SLC8A1: variants seen among roughly 807,000 people sequenced by gnomAD.
SLC8A1 encodes solute carrier family 8 member A1.
Under a neutral mutation model 68.3 loss-of-function variants are expected in SLC8A1, and 18 were observed. That is an observed-to-expected ratio of 0.26 (90% CI 0.18 to 0.39). SLC8A1 has a LOEUF of 0.39. SLC8A1 is among the 10% of genes least tolerant of loss of function. The pLI is 1.00. For synonymous variants in SLC8A1, 475 were observed against 415.5 expected (o/e 1.14, Z -1.74); for missense variants, 985 against 1,156.7 (o/e 0.85, Z 2.15).
exon 8 of SLC8A1, chr2:40,105,738 C>A (rs2034154713): frequency 6.8e-6 from 1 of 147,626 alleles, no homozygotes; most frequent in Admixed American, 6.9e-5. Flanking sequence ...GGCTGGTTCA[C>A]AGCTGAAAGA....
intron 2 of SLC8A1, among the ~76,000 whole-genome samples, chr2:40,388,218 C>A (rs1441592329): frequency 6.6e-6 from 1 of 152,080 alleles, no homozygotes; most frequent in Non-Finnish European, 1.5e-5. Context: ...TAATTAAATG[C>A]ATAAAAGTGC....
intron 2 of SLC8A1, among the ~76,000 whole-genome samples, chr2:40,297,555 T>C (rs763884350): frequency 6.6e-6 from 1 of 152,230 alleles, no homozygotes; most frequent in Admixed American, 6.5e-5. Context: ...CATCTTGAGA[T>C]AAAACATTGT....
At chr2:40,382,575 G>A (rs1682208857) in intron 2 of SLC8A1, among the ~76,000 whole-genome samples, 3 of 152,136 alleles carry the variant, frequency 2.0e-5, no homozygotes, top group South Asian at 4.2e-4. Context: ...ATTTTCTTTT[G>A]ACTGCCTGAT....
chr2:40,439,157 G>A (rs187621429), intron 1 of SLC8A1, among the ~76,000 whole-genome samples: 10 of 152,058 alleles, frequency 6.6e-5, no homozygotes, highest in Admixed American at 6.6e-4. Context: ...GGCCCCAAAA[G>A]GGAGATTAAA....
At chr2:40,333,903 C>T (rs2076701367) in intron 2 of SLC8A1, among the ~76,000 whole-genome samples, 1 of 152,004 alleles carries the variant, frequency 6.6e-6, no homozygotes, top group Non-Finnish European at 1.5e-5. Flanking sequence ...ACAAAATTAG[C>T]CGGACATGGT....
intron 6 of SLC8A1, among the ~76,000 whole-genome samples, chr2:40,141,610 T>G (rs368774605): frequency 4.6e-4 from 70 of 152,310 alleles, no homozygotes; most frequent in African/African-American, 1.6e-3. Context: ...GCTCTGCTGT[T>G]CATGCAGTAT....
chr2:40,199,124 T>C (rs2053650971), intron 2 of SLC8A1, among the ~76,000 whole-genome samples: 2 of 151,860 alleles, frequency 1.3e-5, no homozygotes, highest in South Asian at 4.1e-4. Flanking sequence ...CTGATCCCAT[T>C]TCAAAGTGAA....
intron 2 of SLC8A1, chr2:40,337,299 T>C (rs1666272266): frequency 2.8e-6 from 1 of 353,598 alleles, no homozygotes; most frequent in African/African-American, 2.0e-5. Flanking sequence ...AGTATGTTTA[T>C]GCATCATCAT....
intron 3 of SLC8A1, 55 bp downstream of exon 4, chr2:40,175,206 A>G: frequency 6.4e-7 from 1 of 1,561,380 alleles, no homozygotes; most frequent in Non-Finnish European, 8.8e-7. Context: ...CACCTGACGG[A>G]AATGGAAAAT....
At chr2:40,131,183 C>A (rs1244248249) in intron 7 of SLC8A1, among the ~76,000 whole-genome samples, 2 of 152,128 alleles carry the variant, frequency 1.3e-5, no homozygotes, top group African/African-American at 4.8e-5. Flanking sequence ...AAGCAATTTG[C>A]CTCTGGGGAT....
chr2:40,294,567 G>C (rs770980625), intron 2 of SLC8A1, among the ~76,000 whole-genome samples: 2 of 152,080 alleles, frequency 1.3e-5, no homozygotes, highest in African/African-American at 4.8e-5. Flanking sequence ...GAGAGGGAGA[G>C]AGAGAGGGAT....
At chr2:40,335,732 T>C (rs77864529) in intron 2 of SLC8A1, among the ~76,000 whole-genome samples, 4,198 of 152,338 alleles carry the variant, frequency 0.028, 75 homozygotes, top group Non-Finnish European at 0.033. Context: ...TGACAAGTGA[T>C]TGAAATAAGG....
chr2:40,197,425 T>G (rs1482212940), intron 2 of SLC8A1, among the ~76,000 whole-genome samples: 2 of 152,022 alleles, frequency 1.3e-5, no homozygotes, highest in Non-Finnish European at 2.9e-5. Context: ...AAAATGTTCC[T>G]TAGGAAGTAC....
intron 7 of SLC8A1, chr2:40,118,362 C>T (rs927455468): frequency 2.0e-5 from 3 of 152,128 alleles, no homozygotes; most frequent in Admixed American, 2.0e-4. Flanking sequence ...GAAGCAGGTT[C>T]TTACCAAATG....
intron 2 of SLC8A1, among the ~76,000 whole-genome samples, chr2:40,415,122 T>C (rs536786991): frequency 4.6e-5 from 7 of 152,266 alleles, no homozygotes; most frequent in Non-Finnish European, 8.8e-5. Context: ...TATAGTAGTA[T>C]AGTAGAAGTG....
chr2:40,295,993 C>T (rs1341319986), intron 2 of SLC8A1, among the ~76,000 whole-genome samples: 1 of 152,020 alleles, frequency 6.6e-6, no homozygotes, highest in Non-Finnish European at 1.5e-5. Flanking sequence ...TTTCTAGCGC[C>T]CAGGCACCAC....
chr2:40,354,280 A>G (rs1672022360), intron 2 of SLC8A1, among the ~76,000 whole-genome samples: 1 of 152,188 alleles, frequency 6.6e-6, no homozygotes, highest in Admixed American at 6.6e-5. Context: ...TTGCATTATT[A>G]TAACTGAGGT....
At chr2:40,475,883 C>CA (rs567339255) in intron 1 of SLC8A1, among the ~76,000 whole-genome samples, 2 of 151,894 alleles carry the variant, frequency 1.3e-5, no homozygotes. Context: ...TATTTTCCCC[C>CA]AAAAAACATA....
chr2:40,394,050 C>T (rs959310975), intron 2 of SLC8A1, among the ~76,000 whole-genome samples: 6 of 152,042 alleles, frequency 3.9e-5, no homozygotes, highest in African/African-American at 1.5e-4. Context: ...GGGGATGCTA[C>T]TGACATTTTG....
Sources: gnomAD v4.1 joint callset for allele counts (sites outside exome capture counted in the v4.1 genomes callset) on GRCh38, gnomAD v4.1.1 for gene constraint, MANE v1.5 for transcripts, NCBI Gene and HGNC (gene_info 2026-07-23, HGNC 2026-07-21) for gene names.